NAV2: variants seen among roughly 807,000 people sequenced by gnomAD.
NAV2 encodes the protein helicase, APC down-regulated 1.
A neutral mutation model predicts 223.2 loss-of-function variants in NAV2; 54 were observed. The observed-to-expected ratio is 0.24, with a 90% CI of 0.19 to 0.30. The LOEUF (loss-of-function observed/expected upper bound fraction) is 0.30. NAV2 is among the 10% of genes least tolerant of loss of function. The pLI, the probability that NAV2 is intolerant of heterozygous loss-of-function variation, is 1.00. For missense variants in NAV2, 2,806 were observed against 3,147.5 expected, an observed-to-expected ratio of 0.89 and a Z score of 2.60; for synonymous variants, 1,279 against 1,239.3, an observed-to-expected ratio of 1.03 and a Z score of -0.67.
intron 1 of NAV2, among the ~76,000 whole-genome samples, chr11:19,698,856 G>A (rs1409829037): frequency 2.6e-5 from 4 of 152,106 alleles, no homozygotes; most frequent in African/African-American, 4.8e-5. Flanking sequence ...GTGTGTAGGC[G>A]GGTAAGAAAA....
At chr11:19,637,646 A>G (rs1187419624) in intron 1 of NAV2, among the ~76,000 whole-genome samples, 1 of 152,252 alleles carries the variant, frequency 6.6e-6, no homozygotes, top group Non-Finnish European at 1.5e-5. Flanking sequence ...AAGGGAGAGC[A>G]GGCATCTCAT....
upstream of NAV2, among the ~76,000 whole-genome samples, chr11:19,708,860 G>T (rs1360323872): frequency 6.6e-6 from 1 of 150,510 alleles, no homozygotes; most frequent in African/African-American, 2.4e-5. Context: ...AAAATGGTGG[G>T]CCATTTCAAC....
intron 1 of NAV2, among the ~76,000 whole-genome samples, chr11:19,555,898 G>T (rs1407095594): frequency 6.6e-6 from 1 of 150,376 alleles, no homozygotes; most frequent in Non-Finnish European, 1.5e-5. Flanking sequence ...AGCAGAGCCT[G>T]ACTAGAGTTC....
chr11:19,610,891 TA>T (rs1367192543), intron 1 of NAV2, among the ~76,000 whole-genome samples: 3 of 152,180 alleles, frequency 2.0e-5, no homozygotes, highest in African/African-American at 7.2e-5. Context: ...CCTACTTGCC[TA>T]AATGCCTGTA....
rs79547870 is a variant in NAV2, at chr11:19,684,652, C to T, written c.76-147832C>T. Among the ~76,000 whole-genome samples, 1,323 of 152,272 alleles carry T rather than the reference C, an allele frequency of 8.7e-3. 15 individuals carry two copies. Among genetic ancestry groups the T allele is most frequent in the African/African-American group, 0.03 (1,237 of 41,554 alleles). On this transcript the variant is annotated intron_variant, in intron 1 of 37. Transcript: ENST00000360655. ...GGCACTCACCCACTTCCAGATCACT[C>T]AAGGCCCCCCCACACTGCAAGCCCA...
At position 20,098,312 on chromosome 11, in the gene NAV2, G is replaced by A. The variant is rs145233482; in HGVS notation, c.6181+567G>A. Among the ~76,000 whole-genome samples the A allele has an allele frequency of 7.2e-5, 11 of 152,282 alleles. No individual in the cohort carries two copies. The East Asian group carries it at 1.2e-3, about 16-fold the overall frequency. On this transcript the variant is annotated intron_variant, in intron 31 of 37. Transcript: ENST00000349880. ...CCATGCAATTCTGGGAAACTACATC[G>A]TTATCCCCATTTGTGTTTAGGGGAC...
At chr11:19,721,050 C>G (rs2050709041) in intron 1 of NAV2, among the ~76,000 whole-genome samples, 1 of 152,200 alleles carries the variant, frequency 6.6e-6, no homozygotes, top group Non-Finnish European at 1.5e-5. Context: ...AGAGGTGAAG[C>G]TACTTTTCCA....
chr11:19,406,301 C>G (rs1198456983), intron 1 of NAV2, among the ~76,000 whole-genome samples: 1 of 152,122 alleles, frequency 6.6e-6, no homozygotes, highest in Admixed American at 6.5e-5. Context: ...TTTTTTCTGA[C>G]CCACAGTTTC....
intron 20 of NAV2, among the ~76,000 whole-genome samples, 176 bp downstream of exon 20, chr11:20,062,535 C>A (rs2058771751): frequency 6.6e-6 from 1 of 152,086 alleles, no homozygotes; most frequent in African/African-American, 2.4e-5. Context: ...TATATTATAC[C>A]AACCCCAAAA....
intron 1 of NAV2, among the ~76,000 whole-genome samples, chr11:19,475,573 G>T (rs2042089814): frequency 6.6e-6 from 1 of 152,198 alleles, no homozygotes; most frequent in African/African-American, 2.4e-5. Flanking sequence ...ACTGCTGTTT[G>T]TGGAGCCGCT....
chr11:19,590,056 G>A (rs1348075776), intron 1 of NAV2, among the ~76,000 whole-genome samples: 1 of 152,136 alleles, frequency 6.6e-6, no homozygotes, highest in African/African-American at 2.4e-5. Flanking sequence ...CCCAGGCTAG[G>A]CTTCCTCGCT....
chr11:19,684,365 C>A lies in NAV2; in HGVS notation c.76-148119C>A, dbSNP rs545862811. On this transcript the variant is annotated intron_variant, in intron 1 of 37. Transcript: ENST00000360655. ...TCAATGCCCAGCAGGAGGTATCTGC[C>A]CTGCTGGCACAGTTGTCACCACTGG... is the stretch of plus-strand genomic sequence containing the variant. Among the ~76,000 whole-genome samples, 8 of 152,114 alleles carry A rather than the reference C, an allele frequency of 5.3e-5. No individual in the cohort carries two copies. In the South Asian group the frequency reaches 1.5e-3, roughly 28 times the overall value.
chr11:20,106,511 GATTGCGCC>G (rs2062120150), intron 35 of NAV2, among the ~76,000 whole-genome samples: 1 of 128,392 alleles, frequency 7.8e-6, no homozygotes. Flanking sequence ...TGTGAGCCGA[GATTGCGCC>G]ATTGCACTCC....
intron 1 of NAV2, among the ~76,000 whole-genome samples, chr11:19,499,079 G>A (rs753000804): frequency 6.6e-6 from 1 of 152,142 alleles, no homozygotes; most frequent in Non-Finnish European, 1.5e-5. Context: ...CTGTTCATAC[G>A]ACCTCTGGGC....
intron 11 of NAV2, among the ~76,000 whole-genome samples, chr11:20,010,916 C>G (rs552665485): frequency 6.6e-6 from 1 of 152,318 alleles, no homozygotes; most frequent in South Asian, 2.1e-4. Context: ...TAACAAAACA[C>G]CTTTATGAAT....
At chr11:19,785,866 T>C (rs2057077295) in intron 1 of NAV2, among the ~76,000 whole-genome samples, 2 of 152,144 alleles carry the variant, frequency 1.3e-5, no homozygotes, top group South Asian at 2.1e-4. Flanking sequence ...CCCAGACAAC[T>C]TGGGGACAAA....
At chr11:19,928,457 CT>C (rs907573956) in intron 6 of NAV2, among the ~76,000 whole-genome samples, 1 of 152,274 alleles carries the variant, frequency 6.6e-6, no homozygotes, top group African/African-American at 2.4e-5. Flanking sequence ...TTATGCTTTT[CT>C]TTTTCCCCCT....
In NAV2 at chr11:19,950,473, C is replaced by T. The variant is rs546096557; in HGVS notation, c.2645+1393C>T. 7.5e-4 allele frequency among the ~76,000 whole-genome samples: 114 copies of T among 152,326 alleles called. 1 individual carries two copies. Among genetic ancestry groups the T allele is most frequent in the African/African-American group, 2.6e-3 (107 of 41,580 alleles). On this transcript the variant is annotated intron_variant, in intron 10 of 37. Coordinates refer to ENST00000349880, the MANE Select transcript of NAV2 (RefSeq NM_145117.5). Reference sequence around the variant, plus strand: ...GCGTAATAGTGTACCATCTTGCCAACGTTTTATTGCTGTATTGAAATACTA... The same window carrying T: ...GCGTAATAGTGTACCATCTTGCCAATGTTTTATTGCTGTATTGAAATACTA...
At chr11:19,551,273 T>C (rs2044681136) in intron 1 of NAV2, among the ~76,000 whole-genome samples, 1 of 152,268 alleles carries the variant, frequency 6.6e-6, no homozygotes, top group Non-Finnish European at 1.5e-5. Context: ...GAGATCAAGT[T>C]CCATGTCTAC....
Sources: allele counts gnomAD v4.1 joint callset (sites outside exome capture counted in the v4.1 genomes callset), GRCh38; gene constraint gnomAD v4.1.1; transcripts MANE v1.5; gene names NCBI Gene and HGNC (gene_info 2026-07-23, HGNC 2026-07-21).